LMAN2L: variants seen among roughly 807,000 people sequenced by gnomAD.
The protein encoded by LMAN2L is lectin, mannose binding 2 like.
A neutral mutation model predicts 44.3 loss-of-function variants in LMAN2L; 30 were observed. That is an observed-to-expected ratio of 0.68 (90% CI 0.51 to 0.92). The LOEUF (loss-of-function observed/expected upper bound fraction) is 0.92, where lower values mean the gene tolerates loss of function less well. LMAN2L is among the 40% of genes least tolerant of loss of function. LMAN2L has a pLI of 0.00. For missense variants in LMAN2L, 429 were observed against 446.1 expected (o/e 0.96, Z 0.35); for synonymous variants, 183 against 171.1 (o/e 1.07, Z -0.54).
At chr2:96,715,870 G>A (rs186988656) in intron 4 of LMAN2L, among the ~76,000 whole-genome samples, 2 of 152,282 alleles carry the variant, frequency 1.3e-5, no homozygotes, top group Admixed American at 6.5e-5. Flanking sequence ...CCCTTCGGTG[G>A]ATTACATCAC....
chr2:96,711,542 C>T, intron 6 of LMAN2L, 114 bp downstream of exon 6: 1 of 674,518 alleles, frequency 1.5e-6, no homozygotes, highest in East Asian at 2.7e-5. Context: ...AGTCTTGAGG[C>T]ACCTCCTTCC....
intron 4 of LMAN2L, among the ~76,000 whole-genome samples, chr2:96,729,594 C>T (rs1006210937): frequency 3.3e-5 from 5 of 151,850 alleles, no homozygotes; most frequent in Admixed American, 2.6e-4. Flanking sequence ...CTGCAACCTC[C>T]GTCTCCCAGG....
rs567323446 is a variant in LMAN2L at position 96,735,567 on chromosome 2, G to A, written c.307-1041C>T. ...CGATTTCAGAGAAACGGCCCAGCGC[G>A]GTGGCTCACGCCTGTAATCCCAGCA... On this transcript the variant is annotated intron_variant, in intron 2 of 7. Coordinates refer to ENST00000264963, the MANE Select transcript of LMAN2L (RefSeq NM_030805.4). 7.0e-4 allele frequency among the ~76,000 whole-genome samples: 106 copies of A among 152,278 alleles called. 1 individual carries two copies. Among genetic ancestry groups the A allele is most frequent in the African/African-American group, 2.4e-3 (98 of 41,550 alleles).
intron 6 of LMAN2L, among the ~76,000 whole-genome samples, chr2:96,710,471 T>G (rs1012944569): frequency 3.9e-5 from 6 of 152,068 alleles, no homozygotes; most frequent in Non-Finnish European, 8.8e-5. Context: ...ATGGAGACCA[T>G]CCTGGCCAAC....
chr2:96,707,049 G>A lies in LMAN2L; in HGVS notation c.*207C>T. On this transcript the variant is annotated 3_prime_UTR_variant, in exon 8 of 8. Transcript: ENST00000264963. ...CACATCACAGCAGCATTGCCCTGGG[G>A]TGGGTGGCTTCCCAGACCAGAGTTA... 1 of 465,006 alleles carries A rather than the reference G, an allele frequency of 2.2e-6. No individual in the cohort carries two copies. Among genetic ancestry groups the A allele is most frequent in the Non-Finnish European group, 3.8e-6 (1 of 262,710 alleles). 28.8% of individuals were successfully genotyped at this position (465,006 alleles called of 1,614,324 possible). A position where few individuals can be genotyped will look rare whatever the true frequency, so the allele number is the denominator to read the frequency against.
chr2:96,729,577 T>C (rs888361442), intron 4 of LMAN2L, among the ~76,000 whole-genome samples: 8 of 151,920 alleles, frequency 5.3e-5, no homozygotes, highest in Non-Finnish European at 1.0e-4. Context: ...GGCATGATCT[T>C]GGCTCACTGC....
chr2:96,731,783 T>G (rs999071101), intron 4 of LMAN2L, among the ~76,000 whole-genome samples: 1 of 151,994 alleles, frequency 6.6e-6, no homozygotes, highest in African/African-American at 2.4e-5. Context: ...ACAGTCTTGC[T>G]CTGTTGCCCA....
At chr2:96,709,322 T>C (rs2077861372) in intron 6 of LMAN2L, among the ~76,000 whole-genome samples, 1 of 152,216 alleles carries the variant, frequency 6.6e-6, no homozygotes, top group Non-Finnish European at 1.5e-5. Context: ...AGAAGTTTTT[T>C]ATAACTTCCT....
rs545827991 is a variant in LMAN2L, at chr2:96,706,035, A to G, written c.*1221T>C. 3 of 152,702 alleles carry G rather than the reference A, an allele frequency of 2.0e-5. No individual in the cohort carries two copies. Among genetic ancestry groups the G allele is most frequent in the Non-Finnish European group, 4.4e-5 (3 of 68,044 alleles). The allele number at this position is 152,702 out of a possible 1,614,324, so 9.5% of individuals were successfully genotyped here. A position where few individuals can be genotyped will look rare whatever the true frequency, so the allele number is the denominator to read the frequency against. On this transcript the variant is annotated 3_prime_UTR_variant, in exon 8 of 8. Transcript: ENST00000264963. The stretch of plus-strand genomic sequence containing the variant: ...GAGACTCTGGCCTGTAACTGATTTA[A>G]TCCCAGGGCAGTAAGGTGAGCAGCA...
At chr2:96,711,822 C>A in intron 5 of LMAN2L, 42 bp downstream of exon 5, 15 of 1,613,288 alleles carry the variant, frequency 9.3e-6, no homozygotes, top group Non-Finnish European at 1.3e-5. Flanking sequence ...GCAAGAGCGA[C>A]ACAGCCCACA....
Position 96,707,805 on chromosome 2 carries a change from C to A in LMAN2L, c.813G>T (p.Leu271Phe), listed in dbSNP as rs1360376763. The change falls in exon 7 of 8, where the codon TTG becomes TTT. Residue 271 changes from leucine to phenylalanine, a missense_variant. Physicochemically the swap from Leu to Phe is conservative, Grantham distance 22 (BLOSUM62 0). Transcript: ENST00000264963. ...SDNHDVISLK[L>F]FELTVERTPE... ...GGGTTCTCTCCACTGTCAGTTCAAA[C>A]AACTTCAAGGAAATGACATCATGAT... The A allele has an allele frequency of 6.2e-7, 1 of 1,613,902 alleles. No individual in the cohort carries two copies.
intron 4 of LMAN2L, among the ~76,000 whole-genome samples, chr2:96,728,305 T>G (rs1334509823): frequency 6.6e-6 from 1 of 151,616 alleles, no homozygotes; most frequent in African/African-American, 2.4e-5. Flanking sequence ...GAGACCATCC[T>G]GGCCAACACG....
intron 4 of LMAN2L, among the ~76,000 whole-genome samples, chr2:96,718,715 C>T (rs1414974070): frequency 3.9e-5 from 6 of 152,116 alleles, no homozygotes; most frequent in Non-Finnish European, 8.8e-5. Context: ...GGAGACAATA[C>T]CCATCCTATT....
At position 96,711,869 on chromosome 2, in the gene LMAN2L, A is replaced by G. The variant is rs750396597; in HGVS notation, c.664T>C (p.Leu222=). ...FLVIRYVKRH[L]TIMMDIDGKH... ...TCCAGGACAAGGACTCTCACCGTCAAATGCCTCTTGACGTAGCGAATCACC... is the reference window on the plus strand; with the variant it reads ...TCCAGGACAAGGACTCTCACCGTCAGATGCCTCTTGACGTAGCGAATCACC... Residue 222 remains leucine, a synonymous_variant, in exon 5 of 8, where the codon TTG becomes CTG. Transcript: ENST00000264963. 2 of 1,614,232 alleles carry G rather than the reference A, an allele frequency of 1.2e-6. No homozygotes were observed. The highest frequency in any genetic ancestry group is 1.7e-5 in the Admixed American group (1 of 60,026).
chr2:96,720,130 C>A (rs2078120420), intron 4 of LMAN2L, among the ~76,000 whole-genome samples: 1 of 151,622 alleles, frequency 6.6e-6, no homozygotes, highest in Non-Finnish European at 1.5e-5. Flanking sequence ...ATCATCACAT[C>A]AAAAAAAAGT....
rs1205399196 is a variant in LMAN2L at position 96,738,015 on chromosome 2, C to T, written c.240G>A (p.Val80=). 6.2e-7 allele frequency: 1 copy of T among 1,614,138 alleles called. No individual in the cohort carries two copies. Among genetic ancestry groups the T allele is most frequent in the East Asian group, 2.2e-5 (1 of 44,886 alleles). The part of the protein sequence containing the change: ...SLWNLMGNAM[V]MTQYIRLTPD... ...GGGTAAGGCGGATATACTGGGTCAT[C>T]ACCATGGCATTGCCCATCAGATTCC... The change falls in exon 2 of 8, where the codon GTG becomes GTA. Residue 80 remains valine, a synonymous_variant. Coordinates refer to ENST00000264963, the MANE Select transcript of LMAN2L (RefSeq NM_030805.4).
At chr2:96,728,976 T>A (rs1456646995) in intron 4 of LMAN2L, among the ~76,000 whole-genome samples, 2 of 151,822 alleles carry the variant, frequency 1.3e-5, no homozygotes, top group Admixed American at 1.3e-4. Flanking sequence ...ATCAAGACCA[T>A]CCTGGCTAAC....
chr2:96,723,441 GAT>G (rs1401997453), intron 4 of LMAN2L, among the ~76,000 whole-genome samples: 1 of 152,166 alleles, frequency 6.6e-6, no homozygotes. Flanking sequence ...TCTCTAATAA[GAT>G]ATGATTTGCA....
chr2:96,739,851 C>G lies in LMAN2L; in HGVS notation c.187+3G>C. 1.2e-6 allele frequency: 2 copies of G among 1,613,332 alleles called. No homozygotes were observed. Among genetic ancestry groups the G allele is most frequent in the Non-Finnish European group, 1.7e-6 (2 of 1,179,978 alleles). On this transcript the variant is annotated splice_donor_region_variant and intron_variant, in intron 1 of 7. Coordinates refer to ENST00000264963, the MANE Select transcript of LMAN2L (RefSeq NM_030805.4). The stretch of plus-strand genomic sequence containing the variant: ...CACGACCACCTCACCCTGGGCGCCT[C>G]ACCCTGGTAGGGCTTCGACAGCGAG...
Sources: allele counts gnomAD v4.1 joint callset (sites outside exome capture counted in the v4.1 genomes callset), GRCh38; gene constraint gnomAD v4.1.1; transcripts MANE v1.5; gene names NCBI Gene and HGNC (gene_info 2026-07-23, HGNC 2026-07-21).